CADM2: variants seen among roughly 807,000 people sequenced by gnomAD.
The protein encoded by CADM2 is cell adhesion molecule 2.
A neutral mutation model predicts 49.8 loss-of-function variants in CADM2; 12 were observed. That is an observed-to-expected ratio of 0.24 (90% CI 0.15 to 0.39). CADM2 has a LOEUF of 0.39. Among genes scored for constraint, CADM2 ranks in the 10% least tolerant of loss-of-function variants. The pLI is 1.00. For missense variants in CADM2, 378 were observed against 492.3 expected, an observed-to-expected ratio of 0.77 and a Z score of 2.20; for synonymous variants, 214 against 175.4, an observed-to-expected ratio of 1.22 and a Z score of -1.74.
rs374453524 is a variant in CADM2, at chr3:85,255,157, A to T, written c.61+295489A>T. ...AGCACTAACATGTAACCAATTGCTT[A>T]AAACAGAAACTTGGGAATCATCTTT... is the stretch of plus-strand genomic sequence containing the variant. On this transcript the variant is annotated intron_variant, in intron 1 of 9. Transcript: ENST00000383699. 1.8e-3 allele frequency among the ~76,000 whole-genome samples: 272 copies of T among 152,216 alleles called. 1 individual carries two copies. Among genetic ancestry groups the T allele is most frequent in the African/African-American group, 6.3e-3 (261 of 41,554 alleles).
intron 1 of CADM2, among the ~76,000 whole-genome samples, chr3:85,647,189 T>A (rs2064913303): frequency 6.6e-6 from 1 of 151,880 alleles, no homozygotes; most frequent in African/African-American, 2.4e-5. Flanking sequence ...ATAATTAATT[T>A]GTCATGTACA....
intron 1 of CADM2, among the ~76,000 whole-genome samples, chr3:85,647,756 CT>C (rs895352401): frequency 4.8e-4 from 72 of 151,546 alleles, no homozygotes; most frequent in African/African-American, 1.7e-3. Context: ...TTTGTGACCC[CT>C]ACCCCTTATT....
intron 1 of CADM2, among the ~76,000 whole-genome samples, chr3:85,633,839 T>C (rs2064381646): frequency 1.3e-5 from 2 of 152,184 alleles, no homozygotes; most frequent in Admixed American, 1.3e-4. Flanking sequence ...AATTCAATTT[T>C]GTATAATATA....
intron 3 of CADM2, among the ~76,000 whole-genome samples, chr3:85,873,804 C>T (rs1431366291): frequency 1.3e-5 from 2 of 152,118 alleles, no homozygotes; most frequent in South Asian, 2.1e-4. Flanking sequence ...ATATTAGAAA[C>T]AATATTCATT....
intron 1 of CADM2, among the ~76,000 whole-genome samples, chr3:85,381,179 T>C (rs9823978): frequency 1.0e-3 from 152 of 152,076 alleles, no homozygotes; most frequent in African/African-American, 3.5e-3. Flanking sequence ...CAAAGACAAA[T>C]GTGGCTGATT....
At chr3:85,538,333 T>C (rs1308801947) in intron 1 of CADM2, among the ~76,000 whole-genome samples, 5 of 152,084 alleles carry the variant, frequency 3.3e-5, no homozygotes, top group Non-Finnish European at 7.4e-5. Context: ...TGCCAACAGC[T>C]CTGTGAAGTG....
At chr3:85,528,180 T>C (rs1221068010) in intron 1 of CADM2, among the ~76,000 whole-genome samples, 2 of 152,102 alleles carry the variant, frequency 1.3e-5, no homozygotes, top group Non-Finnish European at 2.9e-5. Flanking sequence ...GAACCTCTTC[T>C]GTCCCCTTCC....
chr3:85,763,509 C>A (rs1292210154), intron 2 of CADM2, among the ~76,000 whole-genome samples: 1 of 152,138 alleles, frequency 6.6e-6, no homozygotes, highest in Non-Finnish European at 1.5e-5. Context: ...TTATTGCCAC[C>A]TTAACAAATT....
intron 1 of CADM2, among the ~76,000 whole-genome samples, chr3:85,496,770 G>C (rs1373944051): frequency 6.6e-6 from 1 of 152,092 alleles, no homozygotes. Context: ...CTGTGGTTTT[G>C]TTTTGTATGT....
chr3:85,573,475 T>A (rs1206435552), intron 1 of CADM2, among the ~76,000 whole-genome samples: 1 of 152,068 alleles, frequency 6.6e-6, no homozygotes, highest in Non-Finnish European at 1.5e-5. Context: ...ATAGGGGCAT[T>A]ATAGGTGTGA....
intron 1 of CADM2, among the ~76,000 whole-genome samples, chr3:85,274,003 C>A (rs1204038778): frequency 6.6e-6 from 1 of 151,350 alleles, no homozygotes; most frequent in Non-Finnish European, 1.5e-5. Context: ...AATGAGTTGT[C>A]ACAGAAACTA....
chr3:85,501,795 C>T (rs964917533), intron 1 of CADM2, among the ~76,000 whole-genome samples: 6 of 152,014 alleles, frequency 3.9e-5, no homozygotes, highest in African/African-American at 1.4e-4. Context: ...TGAGAACATG[C>T]TCTTGGGTTT....
intron 1 of CADM2, among the ~76,000 whole-genome samples, chr3:85,028,518 G>A (rs1360367312): frequency 6.6e-6 from 1 of 152,104 alleles, no homozygotes; most frequent in African/African-American, 2.4e-5. Flanking sequence ...GTCTTACAGT[G>A]CCAATTAGTA....
chr3:85,979,404 A>G, intron 8 of CADM2: 1 of 1,131,354 alleles, frequency 8.8e-7, no homozygotes, highest in East Asian at 2.5e-5. Context: ...TAATTAAGTC[A>G]CCTAAATTGC....
chr3:85,469,716 T>C (rs1307566323), intron 1 of CADM2, among the ~76,000 whole-genome samples: 3 of 152,098 alleles, frequency 2.0e-5, no homozygotes, highest in Non-Finnish European at 4.4e-5. Flanking sequence ...CATTGGCAAT[T>C]ACAAAGAAAA....
Position 86,065,721 on chromosome 3 carries a change from A to G in CADM2, c.1087A>G (p.Arg363Gly). 1.2e-6 allele frequency: 2 copies of G among 1,613,678 alleles called. No homozygotes were observed. ...CTTTCTGCTTGGTCGATATCTGGCA[A>G]GGCATAAAGGTACGTTATATTTAGC... ...SIFLLGRYLA[R>G]HKGTYLTNEA... The change falls in exon 9 of 10, where the codon AGG becomes GGG. Residue 363 changes from arginine (R) to glycine (G), a missense_variant. Coordinates refer to ENST00000383699, the MANE Select transcript of CADM2 (RefSeq NM_001167675.2).
At chr3:85,567,800 C>A (rs993889845) in intron 1 of CADM2, among the ~76,000 whole-genome samples, 38 of 152,162 alleles carry the variant, frequency 2.5e-4, no homozygotes, top group Non-Finnish European at 2.8e-4. Flanking sequence ...AATTCAAGTT[C>A]TTCAGAACTA....
intron 1 of CADM2, among the ~76,000 whole-genome samples, chr3:85,000,114 T>TCTC (rs2033384525): frequency 7.3e-6 from 1 of 136,836 alleles, no homozygotes; most frequent in African/African-American, 2.8e-5. Flanking sequence ...TGCTTCTACT[T>TCTC]TCTCTCTCTC....
intron 1 of CADM2, among the ~76,000 whole-genome samples, chr3:85,525,341 A>G (rs2061138153): frequency 6.6e-6 from 1 of 152,124 alleles, no homozygotes; most frequent in Non-Finnish European, 1.5e-5. Flanking sequence ...GTTATTTTCA[A>G]CTAAAGCCCA....
Sources: allele counts gnomAD v4.1 joint callset (sites outside exome capture counted in the v4.1 genomes callset), GRCh38; gene constraint gnomAD v4.1.1; transcripts MANE v1.5; gene names NCBI Gene and HGNC (gene_info 2026-07-23, HGNC 2026-07-21).